The following ANKDD1A variants were observed in gnomAD, a reference collection of about 807,000 sequenced individuals.
ANKDD1A encodes ankyrin repeat and death domain containing 1A, also known as ankyrin repeat and death domain-containing protein 1A.
ANKDD1A carries 59 observed loss-of-function variants against 63.5 expected under a neutral mutation model. That is an observed-to-expected ratio of 0.93 (90% CI 0.75 to 1.15). ANKDD1A has a LOEUF of 1.15. Ranked by LOEUF, ANKDD1A falls within the 50% of genes most tolerant of loss-of-function variation. The pLI is 0.00. For synonymous variants in ANKDD1A, 266 were observed against 263.9 expected (o/e 1.01, Z -0.08); for missense variants, 632 against 656.4 (o/e 0.96, Z 0.41).
chr15:64,943,446 T>A lies in ANKDD1A; in HGVS notation c.967-38T>A, dbSNP rs2085199998. ...CTTAGGGTAGTGGGCCACCCCTACA[T>A]GCTTTTCACTTACCTATTCCCTTGG... On this transcript the variant is annotated intron_variant, in intron 10 of 14. Transcript: ENST00000319580. 2.5e-6 allele frequency: 4 copies of A among 1,593,748 alleles called. No individual in the cohort carries two copies. The East Asian group carries it at 8.9e-5, about 36-fold the overall frequency.
At chr15:64,930,792 C>CT in intron 6 of ANKDD1A, 30 bp from the exon 7 acceptor site, 1 of 1,598,120 alleles carries the variant, frequency 6.3e-7, no homozygotes. Flanking sequence ...CTCTGGTCTG[C>CT]TGGCCTCTCA....
rs1055478812 is a variant in ANKDD1A, at chr15:64,958,480, A to G, written c.*1292A>G. 6.6e-6 allele frequency: 1 copy of G among 152,116 alleles called. No individual in the cohort carries two copies. Among genetic ancestry groups the G allele is most frequent in the African/African-American group, 2.4e-5 (1 of 41,446 alleles). The allele number at this position is 152,116 out of a possible 1,614,324, so 9.4% of individuals were successfully genotyped here. On this transcript the variant is annotated 3_prime_UTR_variant, in exon 15 of 15. Coordinates refer to ENST00000319580, the MANE Select transcript of ANKDD1A (RefSeq NM_182703.6). ...TCTCTAAACCTAAAACTGTTCTAAA[A>G]TAGAAAGTCTGTGAAAAAAAACAAA...
intron 3 of ANKDD1A, 28 bp downstream of exon 3, chr15:64,917,542 A>C: frequency 5.6e-6 from 8 of 1,423,750 alleles, no homozygotes; most frequent in Non-Finnish European, 7.5e-6. Flanking sequence ...TGTCTGTCTC[A>C]GGGTGGTGGG....
rs2085396262 is a variant in ANKDD1A, at chr15:64,954,727, CCTTCTTCTTCCTT to C, written c.1484-2373_1484-2361del. On this transcript the variant is annotated intron_variant, in intron 14 of 14. Transcript: ENST00000319580. Reference sequence around the variant, plus strand: ...TCCTTCTTCTTCTCCTTCTCCTCCTCCTTCTTCTTCCTTCTCCTTCTTCTTTCTTTTTGTTCTT... The same window carrying C: ...TCCTTCTTCTTCTCCTTCTCCTCCTCCTCCTTCTTCTTTCTTTTTGTTCTT... 1.1e-4 allele frequency among the ~76,000 whole-genome samples: 8 copies of C among 72,240 alleles called. No homozygotes were observed. In the East Asian group the frequency reaches 1.9e-3, roughly 17 times the overall value. The allele number at this position is 72,240 out of a possible 152,430, so 47.4% of individuals were successfully genotyped here.
intron 9 of ANKDD1A, among the ~76,000 whole-genome samples, chr15:64,941,592 A>G (rs2085185246): frequency 6.6e-6 from 1 of 152,256 alleles, no homozygotes; most frequent in Non-Finnish European, 1.5e-5. Flanking sequence ...AATAATGTCA[A>G]TAATGGGCAT....
Position 64,944,767 on chromosome 15 carries a change from G to T in ANKDD1A, c.1161+20G>T. On this transcript the variant is annotated intron_variant, in intron 12 of 14. Coordinates refer to ENST00000319580, the MANE Select transcript of ANKDD1A (RefSeq NM_182703.6). ...GAGAAGGTACGGAGGCCTCACGCTT[G>T]ATCTTTCCTCATTGGAAAGGGAGTG... is the stretch of plus-strand genomic sequence containing the variant. The T allele has an allele frequency of 6.2e-7, 1 of 1,610,558 alleles. No individual in the cohort carries two copies. Among genetic ancestry groups the T allele is most frequent in the Non-Finnish European group, 8.5e-7 (1 of 1,177,412 alleles).
chr15:64,916,311 A>AGGAGG (rs1266073280), intron 2 of ANKDD1A, among the ~76,000 whole-genome samples: 1 of 151,386 alleles, frequency 6.6e-6, no homozygotes, highest in Non-Finnish European at 1.5e-5. Flanking sequence ...GAGCGTGTGC[A>AGGAGG]GGAGGGTCGG....
chr15:64,954,946 T>C (rs1283985302), intron 14 of ANKDD1A, among the ~76,000 whole-genome samples: 4 of 150,360 alleles, frequency 2.7e-5, no homozygotes, highest in Non-Finnish European at 5.9e-5. Flanking sequence ...TCTTGTCTCT[T>C]CTTCTCTCTC....
chr15:64,954,633 T>TC (rs1470544294), intron 14 of ANKDD1A, among the ~76,000 whole-genome samples: 3 of 142,848 alleles, frequency 2.1e-5, no homozygotes, highest in Admixed American at 7.3e-5. Flanking sequence ...TCTTCTTCCT[T>TC]TTCTTCTTCC....
At chr15:64,941,991 A>G (rs2085188278) in intron 9 of ANKDD1A, among the ~76,000 whole-genome samples, 1 of 152,172 alleles carries the variant, frequency 6.6e-6, no homozygotes, top group Admixed American at 6.5e-5. Context: ...CCTATTAGCT[A>G]AGTATCCTTG....
At chr15:64,931,323 A>G (rs998631235) in intron 7 of ANKDD1A, among the ~76,000 whole-genome samples, 164 bp from the exon 8 acceptor site, 3 of 152,138 alleles carry the variant, frequency 2.0e-5, no homozygotes, top group African/African-American at 7.2e-5. Context: ...GGTGGGGCTC[A>G]TGGAATCACA....
intron 8 of ANKDD1A, among the ~76,000 whole-genome samples, chr15:64,933,909 T>C (rs938870644): frequency 6.6e-6 from 1 of 152,180 alleles, no homozygotes; most frequent in African/African-American, 2.4e-5. Flanking sequence ...TTGGTCTGAA[T>C]TCTTGAGTTT....
intron 3 of ANKDD1A, among the ~76,000 whole-genome samples, chr15:64,920,919 A>G (rs2085002807): frequency 6.6e-6 from 1 of 152,172 alleles, no homozygotes; most frequent in African/African-American, 2.4e-5. Flanking sequence ...GTCATAGCAA[A>G]TCAGAAAACA....
chr15:64,954,309 CTCT>C (rs370548580), intron 14 of ANKDD1A, among the ~76,000 whole-genome samples: 4,064 of 39,550 alleles, frequency 0.1, 74 homozygotes, highest in Non-Finnish European at 0.17. Context: ...TCTTCTCCTT[CTCT>C]TCCTTCTTAG....
intron 6 of ANKDD1A, among the ~76,000 whole-genome samples, chr15:64,929,610 T>C (rs2085073017): frequency 6.6e-6 from 1 of 152,188 alleles, no homozygotes; most frequent in Admixed American, 6.5e-5. Flanking sequence ...ACTTTCCAAG[T>C]GCAAAGCAAC....
intron 2 of ANKDD1A, among the ~76,000 whole-genome samples, chr15:64,916,906 T>A (rs1002847578): frequency 9.9e-5 from 15 of 152,138 alleles, no homozygotes; most frequent in African/African-American, 3.6e-4. Flanking sequence ...AGGTGGTGGG[T>A]CAGGTCCCTT....
chr15:64,945,266 A>T (rs2085213497), intron 12 of ANKDD1A, among the ~76,000 whole-genome samples: 1 of 152,080 alleles, frequency 6.6e-6, no homozygotes, highest in Non-Finnish European at 1.5e-5. Flanking sequence ...TTGTTTTTAT[A>T]TACAGAAGAT....
chr15:64,928,993 C>T (rs998132690), intron 6 of ANKDD1A, among the ~76,000 whole-genome samples: 2 of 152,236 alleles, frequency 1.3e-5, no homozygotes, highest in African/African-American at 4.8e-5. Flanking sequence ...CTTCATGGTT[C>T]ACCTGCTTCC....
chr15:64,938,999 A>G (rs1389425428), intron 9 of ANKDD1A, among the ~76,000 whole-genome samples: 1 of 152,116 alleles, frequency 6.6e-6, no homozygotes, highest in African/African-American at 2.4e-5. Flanking sequence ...GTTAAGTTCT[A>G]ATAATCAATT....
Sources: allele counts gnomAD v4.1 joint callset (sites outside exome capture counted in the v4.1 genomes callset), GRCh38; gene constraint gnomAD v4.1.1; transcripts MANE v1.5; gene names NCBI Gene and HGNC (gene_info 2026-07-23, HGNC 2026-07-21).